The following MALRD1 variants were observed in gnomAD, a reference collection of about 807,000 sequenced individuals.
MALRD1 encodes MAM and LDL-receptor class A domain-containing protein 1.
A neutral mutation model predicts 242.1 loss-of-function variants in MALRD1; 247 were observed. The ratio of observed to expected loss-of-function variants is 1.02; its 90% CI spans 0.92 to 1.13. The LOEUF (loss-of-function observed/expected upper bound fraction) is 1.13. Among genes scored for constraint, MALRD1 ranks in the 50% most tolerant of loss-of-function variants. The pLI is 0.00. For missense variants in MALRD1, 2,989 were observed against 2,533.1 expected, an observed-to-expected ratio of 1.18 and a Z score of -3.86; for synonymous variants, 995 against 866.6, an observed-to-expected ratio of 1.15 and a Z score of -2.60.
intron 21 of MALRD1, among the ~76,000 whole-genome samples, chr10:19,299,849 G>C (rs1841868005): frequency 6.6e-6 from 1 of 151,838 alleles, no homozygotes; most frequent in African/African-American, 2.4e-5. Flanking sequence ...ATTCAACATA[G>C]CTCTGGAGCC....
In MALRD1 at chr10:19,238,417, A is replaced by G. The variant is rs1345169893; in HGVS notation, c.2992-19267A>G. Among the ~76,000 whole-genome samples, 488 of 74,150 alleles carry G rather than the reference A, an allele frequency of 6.6e-3. 43 individuals carry two copies. Among genetic ancestry groups the G allele is most frequent in the African/African-American group, 0.028 (472 of 16,694 alleles). 48.6% of individuals were successfully genotyped at this position (74,150 alleles called of 152,430 possible). ...ATGTTATATATTATGTATAATATAT[A>G]ATATACATTATATATAATATATAAT... On this transcript the variant is annotated intron_variant, in intron 18 of 39. Coordinates refer to ENST00000454679, the MANE Select transcript of MALRD1 (RefSeq NM_001142308.3).
At chr10:19,234,364 T>G (rs10763892) in intron 18 of MALRD1, among the ~76,000 whole-genome samples, 35,363 of 151,644 alleles carry the variant, frequency 0.23, 4,350 homozygotes, top group Admixed American at 0.35. Context: ...TAATTATTTT[T>G]GAGCCCCTAA....
intron 33 of MALRD1, among the ~76,000 whole-genome samples, chr10:19,586,014 G>A (rs1229831355): frequency 2.6e-5 from 4 of 151,988 alleles, no homozygotes; most frequent in Non-Finnish European, 5.9e-5. Context: ...CCAGTTGATC[G>A]CATCGGCTCC....
chr10:19,703,351 C>T (rs184752903), intron 38 of MALRD1, among the ~76,000 whole-genome samples: 4 of 152,150 alleles, frequency 2.6e-5, no homozygotes, highest in East Asian at 1.9e-4. Flanking sequence ...GTATATGGGG[C>T]GAGGGCCACA....
At chr10:19,613,768 A>G (rs746744173) in intron 35 of MALRD1, among the ~76,000 whole-genome samples, 7 of 152,032 alleles carry the variant, frequency 4.6e-5, no homozygotes, top group Non-Finnish European at 1.0e-4. Flanking sequence ...TTTCTGCACT[A>G]TCTTTGTATT....
At chr10:19,641,897 C>G (rs1162154229) in intron 36 of MALRD1, among the ~76,000 whole-genome samples, 1 of 152,050 alleles carries the variant, frequency 6.6e-6, no homozygotes, top group Admixed American at 6.6e-5. Flanking sequence ...ACCCACAGAT[C>G]TAAACTCTGT....
chr10:19,497,788 A>T (rs555331944), intron 30 of MALRD1, among the ~76,000 whole-genome samples: 2 of 152,324 alleles, frequency 1.3e-5, no homozygotes, highest in South Asian at 4.1e-4. Flanking sequence ...AGTGCTTCAA[A>T]AGTAATAACT....
At chr10:19,054,318 A>C (rs1468030049) in intron 1 of MALRD1, among the ~76,000 whole-genome samples, 1 of 152,180 alleles carries the variant, frequency 6.6e-6, no homozygotes, top group Non-Finnish European at 1.5e-5. Context: ...TAAGTATATA[A>C]TGTGGAATGA....
At chr10:19,684,948 G>A (rs923165422) in intron 36 of MALRD1, among the ~76,000 whole-genome samples, 2 of 152,152 alleles carry the variant, frequency 1.3e-5, no homozygotes, top group African/African-American at 2.4e-5. Flanking sequence ...TACAGAATTA[G>A]TAAATCTGCA....
At chr10:19,099,896 G>A (rs535390795) in intron 4 of MALRD1, among the ~76,000 whole-genome samples, 30 of 151,854 alleles carry the variant, frequency 2.0e-4, no homozygotes, top group Non-Finnish European at 3.2e-4. Context: ...CCGAGGCTGG[G>A]ATTACAGGTG....
intron 21 of MALRD1, among the ~76,000 whole-genome samples, chr10:19,285,257 T>C (rs1841049607): frequency 7.0e-6 from 1 of 142,578 alleles, no homozygotes; most frequent in South Asian, 2.4e-4. Context: ...TTTAGTTTAA[T>C]TAGATCCCAT....
chr10:19,094,811 T>G (rs370032870), intron 4 of MALRD1, among the ~76,000 whole-genome samples: 1 of 152,182 alleles, frequency 6.6e-6, no homozygotes, highest in African/African-American at 2.4e-5. Flanking sequence ...TTTAGAGAAT[T>G]AAAGCCAATG....
chr10:19,722,802 C>T (rs1212601891), intron 38 of MALRD1, among the ~76,000 whole-genome samples: 2 of 151,778 alleles, frequency 1.3e-5, no homozygotes, highest in African/African-American at 4.8e-5. Flanking sequence ...GAATAGCACT[C>T]AACTATCGGT....
intron 5 of MALRD1, among the ~76,000 whole-genome samples, chr10:19,106,498 C>A (rs1327334207): frequency 6.6e-6 from 1 of 151,644 alleles, no homozygotes; most frequent in Non-Finnish European, 1.5e-5. Context: ...CCATTTTCAT[C>A]TCTCATTTTA....
At chr10:19,232,780 G>C (rs1388237624) in intron 18 of MALRD1, among the ~76,000 whole-genome samples, 1 of 152,034 alleles carries the variant, frequency 6.6e-6, no homozygotes, top group Non-Finnish European at 1.5e-5. Flanking sequence ...GGTGAATACA[G>C]TGGTGACAAT....
chr10:19,546,147 C>T (rs1835198422), intron 32 of MALRD1, among the ~76,000 whole-genome samples: 1 of 152,116 alleles, frequency 6.6e-6, no homozygotes, highest in South Asian at 2.1e-4. Context: ...ACTTAGTGTT[C>T]TATTTCTATA....
intron 2 of MALRD1, among the ~76,000 whole-genome samples, chr10:19,085,529 A>T (rs1452760364): frequency 4.6e-5 from 7 of 152,124 alleles, no homozygotes; most frequent in African/African-American, 1.7e-4. Context: ...GTCAAAAGAT[A>T]TCAAGCTGTT....
intron 18 of MALRD1, among the ~76,000 whole-genome samples, chr10:19,233,033 A>T (rs1481359295): frequency 1.3e-5 from 2 of 152,172 alleles, no homozygotes; most frequent in Admixed American, 6.5e-5. Context: ...ATTAAAAAAC[A>T]ATTTTTTTTA....
chr10:19,602,265 A>G (rs1373876553), intron 34 of MALRD1, among the ~76,000 whole-genome samples: 1 of 136,942 alleles, frequency 7.3e-6, no homozygotes, highest in Non-Finnish European at 1.5e-5. Context: ...TTACATATGT[A>G]TACATGCGCC....
Sources: gnomAD v4.1 joint callset for allele counts (sites outside exome capture counted in the v4.1 genomes callset) on GRCh38, gnomAD v4.1.1 for gene constraint, MANE v1.5 for transcripts, NCBI Gene and HGNC (gene_info 2026-07-23, HGNC 2026-07-21) for gene names.